Variants in MYT1L observed in about 807,000 individuals in gnomAD.
MYT1L encodes the protein myelin transcription factor 1-like protein.
Under a neutral mutation model 126.7 loss-of-function variants are expected in MYT1L, and 12 were observed. The ratio of observed to expected loss-of-function variants is 0.09; its 90% CI spans 0.06 to 0.15. The LOEUF (loss-of-function observed/expected upper bound fraction) is 0.15, where lower values mean the gene tolerates loss of function less well. MYT1L is among the 10% of genes least tolerant of loss of function. The pLI is 1.00. For missense variants in MYT1L, 979 were observed against 1,585.2 expected (o/e 0.62, Z 6.49); for synonymous variants, 541 against 604.2 (o/e 0.90, Z 1.53).
chr2:1,952,869 C>A (rs567020650), intron 8 of MYT1L, among the ~76,000 whole-genome samples: 2 of 74,018 alleles, frequency 2.7e-5, no homozygotes, highest in Admixed American at 2.4e-4. Flanking sequence ...TCCTTCTTTC[C>A]CTTCCCTCCT....
chr2:2,071,065 T>C (rs1162929511), intron 3 of MYT1L, among the ~76,000 whole-genome samples: 4 of 152,076 alleles, frequency 2.6e-5, no homozygotes, highest in African/African-American at 9.7e-5. Flanking sequence ...AAGGGAATGG[T>C]GCTGTAGAAT....
At chr2:2,182,971 C>T (rs772780000) in intron 2 of MYT1L, among the ~76,000 whole-genome samples, 5 of 152,140 alleles carry the variant, frequency 3.3e-5, no homozygotes, top group Non-Finnish European at 5.9e-5. Flanking sequence ...CTCAGGGTTA[C>T]GCAGAGGTGA....
intron 8 of MYT1L, among the ~76,000 whole-genome samples, chr2:1,978,537 A>T (rs748652532): frequency 9.2e-5 from 14 of 152,120 alleles, no homozygotes; most frequent in Middle Eastern, 3.2e-3. Flanking sequence ...AGCAATCATC[A>T]CCTTCCCCTT....
intron 14 of MYT1L, among the ~76,000 whole-genome samples, chr2:1,894,427 C>A (rs768613356): frequency 1.8e-4 from 28 of 152,180 alleles, no homozygotes; most frequent in African/African-American, 6.5e-4. Flanking sequence ...CCTAAGCAAC[C>A]GTCACAAACC....
At chr2:1,947,938 C>T (rs545487235) in intron 8 of MYT1L, among the ~76,000 whole-genome samples, 13 of 152,336 alleles carry the variant, frequency 8.5e-5, no homozygotes, top group African/African-American at 2.2e-4. Context: ...GCACACCACA[C>T]GACCAAGGGC....
chr2:2,107,609 T>A (rs1251945666), intron 3 of MYT1L, among the ~76,000 whole-genome samples: 1 of 152,154 alleles, frequency 6.6e-6, no homozygotes, highest in Non-Finnish European at 1.5e-5. Flanking sequence ...GTTTTTTTTT[T>A]ATGTTACTTC....
At chr2:1,894,356 G>C (rs557294454) in intron 14 of MYT1L, among the ~76,000 whole-genome samples, 3 of 152,328 alleles carry the variant, frequency 2.0e-5, no homozygotes, top group Non-Finnish European at 4.4e-5. Flanking sequence ...CAACCAGAGG[G>C]AGACAGCAGA....
chr2:2,041,451 C>A (rs1363921777), intron 4 of MYT1L, among the ~76,000 whole-genome samples: 2 of 152,186 alleles, frequency 1.3e-5, no homozygotes, highest in East Asian at 3.9e-4. Flanking sequence ...CAGTGCTTTG[C>A]AAGCTGAATT....
In MYT1L at chr2:1,815,444, G is replaced by T. The variant is rs531683954; in HGVS notation, c.3081-6277C>A. On this transcript the variant is annotated intron_variant, in intron 21 of 24. Transcript: ENST00000647738. ...ATGCTGTCAGCTCTACCCCAGCAGG[G>T]TCATCCCCGTGTCCTTTCCACCCTC... Among the ~76,000 whole-genome samples the T allele has an allele frequency of 3.3e-5, 5 of 152,340 alleles. No individual in the cohort carries two copies. The East Asian group carries it at 9.6e-4, about 29-fold the overall frequency.
At chr2:2,203,714 C>T (rs561918154) in intron 2 of MYT1L, among the ~76,000 whole-genome samples, 14 of 152,166 alleles carry the variant, frequency 9.2e-5, no homozygotes, top group Middle Eastern at 3.4e-3. Flanking sequence ...CAATGCCATC[C>T]CCATCAAGAT....
rs531314639 is a variant in MYT1L, at chr2:1,910,577, A to G, written c.1710-230T>C. Among the ~76,000 whole-genome samples the G allele has an allele frequency of 1.3e-5, 2 of 152,142 alleles. No homozygotes were observed. The highest frequency in any genetic ancestry group is 4.2e-4 in the South Asian group (2 of 4,816). ...AGCAGAGAATGCTGGCGGCAGTGCT[A>G]TGTGTGAGGTGTATTCAATCCTTCC... On this transcript the variant is annotated intron_variant, in intron 12 of 24. Coordinates refer to ENST00000647738, the MANE Select transcript of MYT1L (RefSeq NM_001303052.2). The surrounding 1 kb of genome is among the most constrained non-coding windows in gnomAD (Gnocchi z 4.8).
At chr2:1,797,083 C>A (rs572248499) in intron 23 of MYT1L, among the ~76,000 whole-genome samples, 1 of 152,136 alleles carries the variant, frequency 6.6e-6, no homozygotes, top group African/African-American at 2.4e-5. Flanking sequence ...AGAACCAAGG[C>A]TTGGGTGTGT....
chr2:2,027,514 G>A (rs1040034322), intron 4 of MYT1L, among the ~76,000 whole-genome samples: 1 of 152,196 alleles, frequency 6.6e-6, no homozygotes, highest in Non-Finnish European at 1.5e-5. Flanking sequence ...ATAAGCCAAC[G>A]TGTAGAATAG....
intron 2 of MYT1L, among the ~76,000 whole-genome samples, chr2:2,256,182 CT>C (rs2094807198): frequency 6.6e-6 from 1 of 152,240 alleles, no homozygotes; most frequent in African/African-American, 2.4e-5. Context: ...GTTCTCAGTG[CT>C]GACATGGCAC....
chr2:1,956,041 GTATCTATGTATC>G (rs1264973578), intron 8 of MYT1L, among the ~76,000 whole-genome samples: 1 of 145,320 alleles, frequency 6.9e-6, no homozygotes, highest in Admixed American at 6.7e-5. Flanking sequence ...CTAGTTCTAT[GTATCTATGTATC>G]TATCTATCTA....
intron 3 of MYT1L, among the ~76,000 whole-genome samples, chr2:2,171,105 A>G (rs1559217262): frequency 6.6e-6 from 1 of 152,156 alleles, no homozygotes; most frequent in Non-Finnish European, 1.5e-5. Flanking sequence ...TGAGGATGGC[A>G]GTCTCCAGGG....
At chr2:1,883,069 G>A (rs571848244) in intron 18 of MYT1L, among the ~76,000 whole-genome samples, 133 of 152,300 alleles carry the variant, frequency 8.7e-4, no homozygotes, top group African/African-American at 3.0e-3. Flanking sequence ...TCACTGCCGT[G>A]ATGACTCAGT....
chr2:2,068,769 G>GTTTTTTTTTTTT lies in MYT1L; in HGVS notation c.-303-14658_-303-14647dup, dbSNP rs55838351. 3.6e-3 allele frequency among the ~76,000 whole-genome samples: 93 copies of GTTTTTTTTTTTT among 26,196 alleles called. 25 individuals are homozygous for GTTTTTTTTTTTT. Among genetic ancestry groups the GTTTTTTTTTTTT allele is most frequent in the Non-Finnish European group, 4.8e-3 (64 of 13,456 alleles). The allele number at this position is 26,196 out of a possible 152,430, so 17.2% of individuals were successfully genotyped here. Reference sequence around the variant, plus strand: ...GGACACAGACACCTGTGTTCTTCTTGTTTTTTTTTTTTTTTTTTTTTTTTT... The same window carrying GTTTTTTTTTTTT: ...GGACACAGACACCTGTGTTCTTCTTGTTTTTTTTTTTTTTTTTTTTTTTTTTTTTTTTTTTTT... On this transcript the variant is annotated intron_variant, in intron 3 of 24. Coordinates refer to ENST00000647738, the MANE Select transcript of MYT1L (RefSeq NM_001303052.2).
Position 1,912,543 on chromosome 2 carries a change from C to A in MYT1L, c.1619-433G>T, listed in dbSNP as rs867776255. Among the ~76,000 whole-genome samples, 7 of 152,110 alleles carry A rather than the reference C, an allele frequency of 4.6e-5. No homozygotes were observed. Among genetic ancestry groups the A allele is most frequent in the African/African-American group, 1.7e-4 (7 of 41,430 alleles). On this transcript the variant is annotated intron_variant, in intron 11 of 24. Coordinates refer to ENST00000647738, the MANE Select transcript of MYT1L (RefSeq NM_001303052.2). This position sits in a 1 kb window ranked among gnomAD's most constrained non-coding sequence, Gnocchi z 4.3. ...GATTAGCCATAGAACAACACAGAGG[C>A]TGGGGATTTTAAAAACATGCCTGTG... is the stretch of plus-strand genomic sequence containing the variant.
Sources: gnomAD v4.1 joint callset for allele counts (sites outside exome capture counted in the v4.1 genomes callset) on GRCh38, gnomAD v4.1.1 for gene constraint, Gnocchi (gnomAD v3.1) non-coding constraint, MANE v1.5 for transcripts, NCBI Gene and HGNC (gene_info 2026-07-23, HGNC 2026-07-21) for gene names.